The following MYO3B variants were observed in gnomAD, a reference collection of about 807,000 sequenced individuals.
The protein encoded by MYO3B is myosin IIIB.
MYO3B carries 156 observed loss-of-function variants against 174.6 expected under a neutral mutation model. The ratio of observed to expected loss-of-function variants is 0.89; its 90% CI spans 0.78 to 1.02. MYO3B has a LOEUF of 1.02. Among genes scored for constraint, MYO3B ranks in the 50% least tolerant of loss-of-function variants. The pLI is 0.00. For missense variants in MYO3B, 1,632 were observed against 1,639.4 expected, an observed-to-expected ratio of 1.00 and a Z score of 0.08; for synonymous variants, 563 against 569.1, an observed-to-expected ratio of 0.99 and a Z score of 0.15.
intron 32 of MYO3B, among the ~76,000 whole-genome samples, chr2:170,620,981 C>T (rs6720826): frequency 0.42 from 64,112 of 151,728 alleles, 13,973 homozygotes; most frequent in Non-Finnish European, 0.49. Flanking sequence ...CTCCGCCTCC[C>T]GGGTTCAAGC....
chr2:170,489,651 G>GTGTGTGTGTGTGTGTGTT (rs1686312904), intron 25 of MYO3B, among the ~76,000 whole-genome samples: 3 of 148,732 alleles, frequency 2.0e-5, no homozygotes, highest in Non-Finnish European at 4.4e-5. Flanking sequence ...GTGTGTGTGT[G>GTGTGTGTGTGTGTGTGTT]TGTGTGTGTG....
At chr2:170,329,573 T>TA (rs2093897132) in intron 7 of MYO3B, among the ~76,000 whole-genome samples, 1 of 149,402 alleles carries the variant, frequency 6.7e-6, no homozygotes, top group East Asian at 2.0e-4. Flanking sequence ...TTTTTTTTTT[T>TA]AGTATGGATG....
intron 32 of MYO3B, among the ~76,000 whole-genome samples, chr2:170,594,656 G>A (rs1278074209): frequency 6.6e-6 from 1 of 152,148 alleles, no homozygotes; most frequent in Non-Finnish European, 1.5e-5. Flanking sequence ...ATCCCACCCA[G>A]TAGCAGATGT....
chr2:170,466,423 C>G, intron 24 of MYO3B, 83 bp from the exon 25 acceptor site: 4 of 1,308,876 alleles, frequency 3.1e-6, no homozygotes, highest in Non-Finnish European at 4.3e-6. Context: ...TCGAACTGCT[C>G]CAGAGGCTTC....
chr2:170,331,880 C>T (rs141640446), intron 7 of MYO3B, among the ~76,000 whole-genome samples: 3 of 152,260 alleles, frequency 2.0e-5, no homozygotes, highest in African/African-American at 7.2e-5. Flanking sequence ...CCCTTTCATA[C>T]GTTGAATCTC....
intron 3 of MYO3B, among the ~76,000 whole-genome samples, 187 bp from the exon 4 acceptor site, chr2:170,214,192 A>G (rs756418696): frequency 6.6e-6 from 1 of 152,276 alleles, no homozygotes; most frequent in Non-Finnish European, 1.5e-5. Flanking sequence ...AATAAAAAAT[A>G]CATACGCAAA....
At chr2:170,266,529 A>G (rs1477108026) in intron 7 of MYO3B, among the ~76,000 whole-genome samples, 1 of 152,150 alleles carries the variant, frequency 6.6e-6, no homozygotes, top group African/African-American at 2.4e-5. Flanking sequence ...GTTTTTGTCA[A>G]AGAGTCCTGT....
At chr2:170,281,501 G>A (rs938195613) in intron 7 of MYO3B, among the ~76,000 whole-genome samples, 4 of 152,086 alleles carry the variant, frequency 2.6e-5, no homozygotes. Flanking sequence ...AATGACTTTT[G>A]GGTAAATAAT....
At chr2:170,508,118 A>G (rs77315253) in intron 28 of MYO3B, among the ~76,000 whole-genome samples, 2,195 of 152,250 alleles carry the variant, frequency 0.014, 51 homozygotes, top group African/African-American at 0.044. Flanking sequence ...CTTTTGTGCA[A>G]CAGTAGGTAC....
intron 22 of MYO3B, among the ~76,000 whole-genome samples, chr2:170,410,666 G>T (rs1316080957): frequency 6.6e-6 from 1 of 150,560 alleles, no homozygotes; most frequent in Non-Finnish European, 1.5e-5. Context: ...TCCAGTGCTG[G>T]ACTCCTCAAT....
At chr2:170,301,892 T>TTTTTTTTTTTTTTTG (rs2093667921) in intron 7 of MYO3B, among the ~76,000 whole-genome samples, 1 of 149,650 alleles carries the variant, frequency 6.7e-6, no homozygotes, top group African/African-American at 2.5e-5. Flanking sequence ...TTTTTTTTTT[T>TTTTTTTTTTTTTTTG]TTTTTTTAGG....
chr2:170,402,320 A>G (rs537253323), intron 18 of MYO3B, among the ~76,000 whole-genome samples: 1 of 152,346 alleles, frequency 6.6e-6, no homozygotes, highest in African/African-American at 2.4e-5. Context: ...TGAGGATAAT[A>G]ATATCCTCTT....
chr2:170,425,312 T>A lies in MYO3B; in HGVS notation c.2650+17468T>A, dbSNP rs145713790. On this transcript the variant is annotated intron_variant, in intron 22 of 34. Transcript: ENST00000408978. ...AAGCATATAAAGTTAATCATTTTGC[T>A]TTGGTGCCAACGTGTTGTGTGCAAA... is the stretch of plus-strand genomic sequence containing the variant. 7.6e-3 allele frequency among the ~76,000 whole-genome samples: 1,151 copies of A among 152,330 alleles called. 12 individuals are homozygous for A. Among genetic ancestry groups the A allele is most frequent in the African/African-American group, 0.025 (1,047 of 41,560 alleles).
At chr2:170,340,469 G>A (rs994740184) in intron 8 of MYO3B, 2 of 152,152 alleles carry the variant, frequency 1.3e-5, no homozygotes, top group Admixed American at 6.5e-5. Flanking sequence ...ATCACCTACT[G>A]TGAGGTTAAT....
At chr2:170,505,165 G>C (rs1431576678) in intron 28 of MYO3B, among the ~76,000 whole-genome samples, 2 of 151,986 alleles carry the variant, frequency 1.3e-5, no homozygotes, top group African/African-American at 4.8e-5. Context: ...AGTCAATAAA[G>C]GGCCTTTATG....
chr2:170,458,177 G>A (rs914688965), intron 23 of MYO3B, among the ~76,000 whole-genome samples: 1 of 152,244 alleles, frequency 6.6e-6, no homozygotes, highest in African/African-American at 2.4e-5. Context: ...GGCAGCGCAG[G>A]TTTGTTTACA....
intron 7 of MYO3B, among the ~76,000 whole-genome samples, chr2:170,314,571 A>G (rs1041440984): frequency 1.3e-5 from 2 of 152,230 alleles, no homozygotes; most frequent in Non-Finnish European, 2.9e-5. Flanking sequence ...GGGGTAGTAT[A>G]TACAAAAATA....
intron 25 of MYO3B, among the ~76,000 whole-genome samples, chr2:170,482,585 T>A (rs1464157231): frequency 1.3e-5 from 2 of 152,264 alleles, no homozygotes; most frequent in Non-Finnish European, 2.9e-5. Flanking sequence ...TTTTGTAAAT[T>A]GCCCAGTCTC....
In MYO3B at chr2:170,542,913, C is replaced by T. The variant is rs1458250702; in HGVS notation, c.3583C>T (p.Gln1195Ter). The T allele has an allele frequency of 1.9e-6, 3 of 1,601,602 alleles. No individual in the cohort carries two copies. Among genetic ancestry groups the T allele is most frequent in the Non-Finnish European group, 2.6e-6 (3 of 1,173,860 alleles). Reference protein sequence around the residue: ...PAVTEKNGHSQAQSSPKGCDI... With the variant: ...PAVTEKNGHS ...TTATTGTTATCTTTTCAGGCATTCACAAGCCCAGAGTTCTCCAAAAGGGTG... is the reference window on the plus strand; with the variant it reads ...TTATTGTTATCTTTTCAGGCATTCATAAGCCCAGAGTTCTCCAAAAGGGTG... The change falls in exon 31 of 35, where the codon CAA becomes TAA. Residue 1195 changes from glutamine (Q) to a stop codon, truncating the protein, a stop_gained. Transcript: ENST00000408978. LOFTEE classifies it high-confidence loss of function.
Sources: allele counts gnomAD v4.1 joint callset (sites outside exome capture counted in the v4.1 genomes callset), GRCh38; gene constraint gnomAD v4.1.1; transcripts MANE v1.5; gene names NCBI Gene and HGNC (gene_info 2026-07-23, HGNC 2026-07-21).